SLF1: variants seen among roughly 807,000 people sequenced by gnomAD.
SLF1 encodes SMC5/6 complex localization factor 1.
Under a neutral mutation model 123.0 loss-of-function variants are expected in SLF1, and 105 were observed. The ratio of observed to expected loss-of-function variants is 0.85; its 90% CI spans 0.73 to 1.00. The LOEUF is 1.00. Ranked by LOEUF, SLF1 falls within the 50% of genes least tolerant of loss-of-function variation. The probability of loss-of-function intolerance (pLI) is 0.00; values close to 1 mark genes in which losing one functional copy is unlikely to be tolerated. For synonymous variants in SLF1, 434 were observed against 406.6 expected, an observed-to-expected ratio of 1.07 and a Z score of -0.81; for missense variants, 1,239 against 1,223.0, an observed-to-expected ratio of 1.01 and a Z score of -0.20.
chr5:94,634,259 T>C, intron 4 of SLF1, among the ~76,000 whole-genome samples: 1 of 152,228 alleles, frequency 6.6e-6, no homozygotes, highest in East Asian at 1.9e-4. Flanking sequence ...TATTTATTTT[T>C]TTCTATTACC....
intron 4 of SLF1, among the ~76,000 whole-genome samples, chr5:94,632,925 G>A (rs963583079): frequency 2.6e-5 from 4 of 151,882 alleles, no homozygotes; most frequent in Non-Finnish European, 5.9e-5. Context: ...TCCTGACCTC[G>A]TGATCTGCCC....
intron 4 of SLF1, among the ~76,000 whole-genome samples, chr5:94,634,232 C>T (rs1561425784): frequency 6.6e-6 from 1 of 151,958 alleles, no homozygotes; most frequent in East Asian, 1.9e-4. Flanking sequence ...TCTCAATGGC[C>T]CTGATTTTGT....
At chr5:94,672,465 C>T (rs1042442580) in intron 14 of SLF1, among the ~76,000 whole-genome samples, 1 of 151,760 alleles carries the variant, frequency 6.6e-6, no homozygotes, top group Non-Finnish European at 1.5e-5. Flanking sequence ...CTCTTTCTCT[C>T]CCTCTACCAT....
intron 14 of SLF1, among the ~76,000 whole-genome samples, chr5:94,671,789 TAG>T (rs370410273): frequency 5.9e-5 from 9 of 151,964 alleles, no homozygotes; most frequent in African/African-American, 2.2e-4. Context: ...TACTTTAACC[TAG>T]AGTGCTCTGT....
chr5:94,653,898 C>T (rs770268280), intron 8 of SLF1, among the ~76,000 whole-genome samples: 7 of 151,128 alleles, frequency 4.6e-5, no homozygotes, highest in African/African-American at 9.8e-5. Flanking sequence ...GGGCTGGATG[C>T]GGTGGCTCAC....
At chr5:94,643,823 G>T (rs1378266740) in intron 5 of SLF1, among the ~76,000 whole-genome samples, 7 of 152,086 alleles carry the variant, frequency 4.6e-5, no homozygotes, top group Admixed American at 4.6e-4. Context: ...TGGTGTGGAT[G>T]ATGCTCCTCA....
chr5:94,675,317 T>C (rs1355421538), intron 14 of SLF1, among the ~76,000 whole-genome samples: 1 of 152,240 alleles, frequency 6.6e-6, no homozygotes, highest in Non-Finnish European at 1.5e-5. Context: ...GGTAAATATA[T>C]ATCATATATG....
At chr5:94,665,469 G>T (rs12516225) in intron 11 of SLF1, among the ~76,000 whole-genome samples, 47,622 of 151,992 alleles carry the variant, frequency 0.31, 7,842 homozygotes, top group African/African-American at 0.39. Context: ...GCCAGCGTTA[G>T]GCCGGGCGTG....
Position 94,643,280 on chromosome 5 carries a change from G to A in SLF1, c.439G>A (p.Glu147Lys). Reference protein sequence around the residue: ...KRSDSLIRVLEAGKANVILPK... With the variant: ...KRSDSLIRVLKAGKANVILPK... ...ATTTACATTTTTATTTAGAGTTTTG[G>A]AGGCTGGAAAGGCAAATGTTATTTT... The change falls in exon 5 of 21, where the codon GAG (glutamate) becomes AAG (lysine). Residue 147 changes from glutamate to lysine, a missense_variant. Glu to Lys is a moderately conservative substitution (Grantham distance 56, BLOSUM62 1). Coordinates refer to ENST00000265140, the MANE Select transcript of SLF1 (RefSeq NM_032290.4). 1 of 1,531,950 alleles carries A rather than the reference G, an allele frequency of 6.5e-7. No individual in the cohort carries two copies. The highest frequency in any genetic ancestry group is 1.4e-5 in the African/African-American group (1 of 71,880). 94.9% of individuals were successfully genotyped at this position (1,531,950 alleles called of 1,614,324 possible).
intron 14 of SLF1, among the ~76,000 whole-genome samples, chr5:94,677,181 A>G (rs1024842528): frequency 2.0e-5 from 3 of 152,230 alleles, no homozygotes; most frequent in African/African-American, 7.2e-5. Flanking sequence ...AAAATGTACT[A>G]TTCTAATCCC....
intron 4 of SLF1, among the ~76,000 whole-genome samples, chr5:94,635,156 T>C (rs763119989): frequency 4.4e-4 from 67 of 152,088 alleles, no homozygotes; most frequent in Non-Finnish European, 7.5e-4. Context: ...TCTAATAGTT[T>C]TGCAGTTTCA....
chr5:94,690,227 C>T (rs1030370897), intron 18 of SLF1, among the ~76,000 whole-genome samples: 2 of 152,142 alleles, frequency 1.3e-5, no homozygotes, highest in Non-Finnish European at 2.9e-5. Flanking sequence ...GAAGTCTATA[C>T]CTGGCCAAAG....
intron 10 of SLF1, among the ~76,000 whole-genome samples, 159 bp downstream of exon 10, chr5:94,662,510 A>G (rs1749245671): frequency 6.6e-6 from 1 of 152,360 alleles, no homozygotes. Context: ...CAGAAATGAT[A>G]AAAATATTCT....
chr5:94,695,372 G>C lies in SLF1; in HGVS notation c.*60G>C. 1 of 1,508,308 alleles carries C rather than the reference G, an allele frequency of 6.6e-7. No individual in the cohort carries two copies. 93.4% of individuals were successfully genotyped at this position (1,508,308 alleles called of 1,614,324 possible). On this transcript the variant is annotated 3_prime_UTR_variant, in exon 21 of 21. Coordinates refer to ENST00000265140, the MANE Select transcript of SLF1 (RefSeq NM_032290.4). The stretch of plus-strand genomic sequence containing the variant: ...TGTTCAGTTTGCATTGGTACTTACT[G>C]TGGACTTCATAGCTTACTGACAGAT...
intron 9 of SLF1, among the ~76,000 whole-genome samples, chr5:94,657,868 C>T (rs1748598220): frequency 6.6e-6 from 1 of 152,030 alleles, no homozygotes; most frequent in Admixed American, 6.5e-5. Context: ...GCTACTTCTG[C>T]TCGCTTTGGT....
chr5:94,687,355 TAGTG>T (rs1752559326), intron 16 of SLF1, among the ~76,000 whole-genome samples: 1 of 152,114 alleles, frequency 6.6e-6, no homozygotes, highest in African/African-American at 2.4e-5. Context: ...CTGGACAACA[TAGTG>T]AGACCCCTTC....
rs1187062456 is a variant in SLF1, at chr5:94,629,165, CA to C, written c.189del (p.Gly64GlufsTer5). ...GAAAAATTTTTAGCAGCTTGTGCGG[CA>C]GGTAAGTTAACTGTCTTCCCCCAAC... The part of the protein sequence containing the change: ...KSEKFLAACA[A>X]GKWILTKDYI... On this transcript the variant is annotated frameshift_variant and splice_region_variant, in exon 3 of 21. Coordinates refer to ENST00000265140, the MANE Select transcript of SLF1 (RefSeq NM_032290.4). LOFTEE classifies it high-confidence loss of function. The C allele has an allele frequency of 6.5e-7, 1 of 1,547,352 alleles. No individual in the cohort carries two copies. The highest frequency in any genetic ancestry group is 2.0e-5 in the Admixed American group (1 of 50,394).
chr5:94,638,671 T>A, intron 4 of SLF1, among the ~76,000 whole-genome samples: 1 of 152,208 alleles, frequency 6.6e-6, no homozygotes, highest in East Asian at 1.9e-4. Flanking sequence ...TGTGGCACTA[T>A]GCCAACTTGG....
At chr5:94,662,581 A>C (rs1749255789) in intron 10 of SLF1, among the ~76,000 whole-genome samples, 1 of 152,256 alleles carries the variant, frequency 6.6e-6, no homozygotes, top group African/African-American at 2.4e-5. Context: ...TGTTAAAAAC[A>C]CACCTTGTGC....
Sources: allele counts gnomAD v4.1 joint callset (sites outside exome capture counted in the v4.1 genomes callset), GRCh38; gene constraint gnomAD v4.1.1; transcripts MANE v1.5; gene names NCBI Gene and HGNC (gene_info 2026-07-23, HGNC 2026-07-21).